Variants in ERICH2 observed in about 807,000 individuals in gnomAD.
ERICH2 encodes the protein glutamate-rich protein 2.
ERICH2 carries 17 observed loss-of-function variants against 17.4 expected under a neutral mutation model. The observed-to-expected ratio is 0.98, with a 90% CI of 0.67 to 1.47. The LOEUF is 1.47. ERICH2 is among the 40% of genes most tolerant of loss of function. The probability of loss-of-function intolerance (pLI) is 0.00; values close to 1 mark genes in which losing one functional copy is unlikely to be tolerated. For missense variants in ERICH2, 186 were observed against 183.2 expected (o/e 1.01, Z -0.09); for synonymous variants, 51 against 61.1 (o/e 0.83, Z 0.77).
the ERICH2 span, among the ~76,000 whole-genome samples, chr2:170,773,942 G>A: frequency 3.3e-5 from 5 of 151,956 alleles, no homozygotes; most frequent in Non-Finnish European, 7.4e-5. Context: ...GGCTGGTGTC[G>A]ACCTCCCATC....
intron 3 of ERICH2, among the ~76,000 whole-genome samples, chr2:170,796,437 T>TTTTTG (rs1553569086): frequency 4.6e-5 from 1 of 21,672 alleles, no homozygotes; most frequent in African/African-American, 1.0e-4. Context: ...TGTTTTTTTT[T>TTTTTG]TTGTTTTTTT....
At chr2:170,798,718 A>T (rs1438984659) in intron 4 of ERICH2, 52 bp from the exon 10 acceptor site, 13 of 1,541,280 alleles carry the variant, frequency 8.4e-6, no homozygotes, top group Non-Finnish European at 1.1e-5. Context: ...ATTATTTTTC[A>T]GAGTGAAATA....
upstream of ERICH2, among the ~76,000 whole-genome samples, chr2:170,779,194 C>T (rs1469037866): frequency 6.6e-6 from 1 of 152,092 alleles, no homozygotes; most frequent in Non-Finnish European, 1.5e-5. Flanking sequence ...GAGATCTTTG[C>T]ATGGGAAGAG....
chr2:170,786,655 G>A (rs1213137980), intron 2 of ERICH2, among the ~76,000 whole-genome samples: 1 of 152,090 alleles, frequency 6.6e-6, no homozygotes, highest in Non-Finnish European at 1.5e-5. Context: ...TATTGTCCCA[G>A]AGGTCACTGA....
upstream of ERICH2, chr2:170,779,798 G>T (rs547838805): frequency 1.0e-6 from 1 of 979,340 alleles, no homozygotes; most frequent in African/African-American, 1.7e-5. Context: ...TCAAGTAAAT[G>T]CCTCTTTGGA....
At chr2:170,783,980 T>C in intron 1 of ERICH2, 1 of 1,418,132 alleles carries the variant, frequency 7.1e-7, no homozygotes, top group Non-Finnish European at 9.7e-7. Flanking sequence ...GTCATTAGTT[T>C]TACCTTTTTT....
At chr2:170,785,314 T>C (rs1159166865) in intron 2 of ERICH2, among the ~76,000 whole-genome samples, 1 of 152,124 alleles carries the variant, frequency 6.6e-6, no homozygotes, top group African/African-American at 2.4e-5. Context: ...CACAGATGCT[T>C]ACCTGGCTAC....
the ERICH2 span, chr2:170,771,244 G>C: frequency 6.5e-6 from 1 of 153,948 alleles, no homozygotes; most frequent in Non-Finnish European, 1.5e-5. The surrounding 1 kb of genome is among the most constrained non-coding windows in gnomAD (Gnocchi z 4.8). Context: ...TGTGCAGTCT[G>C]ACCCAGCCCC....
chr2:170,776,803 A>G, the ERICH2 span, among the ~76,000 whole-genome samples: 1 of 151,696 alleles, frequency 6.6e-6, no homozygotes, highest in Non-Finnish European at 1.5e-5. Flanking sequence ...GTTTGGGGGT[A>G]CGTGTGAAGG....
At chr2:170,793,060 G>A in intron 3 of ERICH2, 140 bp downstream of exon 8, 1 of 496,312 alleles carries the variant, frequency 2.0e-6, no homozygotes, top group South Asian at 4.7e-5. Context: ...TAATAAATTA[G>A]GTTGATTGGT....
chr2:170,773,785 G>C, the ERICH2 span, among the ~76,000 whole-genome samples: 1 of 152,032 alleles, frequency 6.6e-6, no homozygotes, highest in Non-Finnish European at 1.5e-5. Flanking sequence ...GAGTACAGTG[G>C]CACAATCATA....
the ERICH2 span, among the ~76,000 whole-genome samples, chr2:170,775,045 GA>G: frequency 2.6e-5 from 4 of 152,110 alleles, no homozygotes; most frequent in African/African-American, 9.7e-5. Context: ...GTGAAAATGG[GA>G]GGAGAATTAT....
chr2:170,789,180 G>A (rs142562649), intron 2 of ERICH2, among the ~76,000 whole-genome samples: 1,791 of 150,678 alleles, frequency 0.012, 42 homozygotes, highest in African/African-American at 0.041. Flanking sequence ...GGCCAGGCTG[G>A]TCTCGAACTC....
chr2:170,796,797 T>C (rs1054275069), intron 3 of ERICH2, among the ~76,000 whole-genome samples: 2 of 152,050 alleles, frequency 1.3e-5, no homozygotes, highest in African/African-American at 4.8e-5. Flanking sequence ...AGTGCCCCCC[T>C]TGGAGGCCAC....
intron 3 of ERICH2, among the ~76,000 whole-genome samples, chr2:170,796,495 G>A (rs1036925723): frequency 6.8e-6 from 1 of 146,294 alleles, no homozygotes; most frequent in Non-Finnish European, 1.5e-5. Flanking sequence ...GGATGCAGTG[G>A]CACGATTTCA....
chr2:170,770,607 ACTT>A, the ERICH2 span: 2 of 154,912 alleles, frequency 1.3e-5, no homozygotes, highest in African/African-American at 4.8e-5. Flanking sequence ...CCAACTCAAG[ACTT>A]CTTTTTACTC....
chr2:170,779,697 T>C (rs2105680658), upstream of ERICH2: 1 of 308,300 alleles, frequency 3.2e-6, no homozygotes, highest in East Asian at 1.7e-4. Flanking sequence ...GAAAAAAAAT[T>C]GTATCTCTAG....
At chr2:170,789,487 T>C (rs1264988964) in intron 2 of ERICH2, among the ~76,000 whole-genome samples, 1 of 152,160 alleles carries the variant, frequency 6.6e-6, no homozygotes, top group Admixed American at 6.5e-5. Flanking sequence ...TCTAGCTGGA[T>C]TTTTTTCCAG....
intron 3 of ERICH2, among the ~76,000 whole-genome samples, chr2:170,794,469 T>G (rs1327278083): frequency 1.3e-5 from 2 of 152,180 alleles, no homozygotes; most frequent in Non-Finnish European, 2.9e-5. Flanking sequence ...TTGGTTTCTT[T>G]ATTCTATCTT....
Sources: gnomAD v4.1 joint callset for allele counts (sites outside exome capture counted in the v4.1 genomes callset) on GRCh38, gnomAD v4.1.1 for gene constraint, Gnocchi (gnomAD v3.1) non-coding constraint, MANE v1.5 for transcripts, NCBI Gene and HGNC (gene_info 2026-07-23, HGNC 2026-07-21) for gene names.